SCTR: variants seen among roughly 807,000 people sequenced by gnomAD.
The protein encoded by SCTR is pancreatic secretin receptor.
A neutral mutation model predicts 60.8 loss-of-function variants in SCTR; 56 were observed. The ratio of observed to expected loss-of-function variants is 0.92; its 90% CI spans 0.74 to 1.15. The LOEUF is 1.15. Among genes scored for constraint, SCTR ranks in the 50% most tolerant of loss-of-function variants. The pLI, the probability that SCTR is intolerant of heterozygous loss-of-function variation, is 0.00. For missense variants in SCTR, 562 were observed against 550.4 expected (o/e 1.02, Z -0.21); for synonymous variants, 202 against 217.0 (o/e 0.93, Z 0.61).
intron 9 of SCTR, among the ~76,000 whole-genome samples, 171 bp downstream of exon 9, chr2:119,451,839 C>T (rs1185073223): frequency 6.6e-6 from 1 of 152,226 alleles, no homozygotes; most frequent in Non-Finnish European, 1.5e-5. Context: ...ACACATTCTG[C>T]AGGGGGCAGA....
chr2:119,463,912 C>T (rs1378148856), intron 6 of SCTR, among the ~76,000 whole-genome samples: 2 of 152,162 alleles, frequency 1.3e-5, no homozygotes, highest in African/African-American at 2.4e-5. Flanking sequence ...CCATGAGCTT[C>T]TCTCCTACAT....
At chr2:119,522,213 T>C (rs1371773313) in intron 1 of SCTR, among the ~76,000 whole-genome samples, 1 of 152,080 alleles carries the variant, frequency 6.6e-6, no homozygotes, top group African/African-American at 2.4e-5. Context: ...GGAGAATCCC[T>C]TGAACCTGGG....
chr2:119,524,270 C>A lies in SCTR; in HGVS notation c.-44G>T. 1 of 1,323,626 alleles carries A rather than the reference C, an allele frequency of 7.6e-7. No homozygotes were observed. Among genetic ancestry groups the A allele is most frequent in the Non-Finnish European group, 9.9e-7 (1 of 1,011,674 alleles). The allele number at this position is 1,323,626 out of a possible 1,614,324, so 82.0% of individuals were successfully genotyped here. A position where few individuals can be genotyped will look rare whatever the true frequency, so the allele number is the denominator to read the frequency against. ...GAGGGCGCCCCGACGTCCGCCTGCC[C>A]GTGCCCTCTGCCCGCTCGGGAGCTC... On this transcript the variant is annotated 5_prime_UTR_variant, in exon 1 of 13. Coordinates refer to ENST00000019103, the MANE Select transcript of SCTR (RefSeq NM_002980.3).
chr2:119,459,618 A>T (rs1683519035), intron 7 of SCTR, among the ~76,000 whole-genome samples: 1 of 152,180 alleles, frequency 6.6e-6, no homozygotes, highest in African/African-American at 2.4e-5. Flanking sequence ...GGCCAGGAGG[A>T]AGAGAACCAT....
At chr2:119,516,993 A>G (rs1014945974) in intron 1 of SCTR, among the ~76,000 whole-genome samples, 3 of 151,958 alleles carry the variant, frequency 2.0e-5, no homozygotes, top group African/African-American at 7.3e-5. Context: ...TAATAATAAC[A>G]CTGTATCGTA....
intron 2 of SCTR, among the ~76,000 whole-genome samples, chr2:119,489,557 G>C (rs565884699): frequency 6.6e-6 from 1 of 152,198 alleles, no homozygotes; most frequent in Admixed American, 6.5e-5. Flanking sequence ...GGTGCGAGAC[G>C]AGAGAGAAAC....
At chr2:119,493,844 T>TGG (rs1678239957) in intron 2 of SCTR, among the ~76,000 whole-genome samples, 1 of 152,032 alleles carries the variant, frequency 6.6e-6, no homozygotes, top group Admixed American at 6.6e-5. Flanking sequence ...TTTCACCATA[T>TGG]TGGTCAAGCT....
intron 2 of SCTR, among the ~76,000 whole-genome samples, chr2:119,488,085 G>A (rs1380276780): frequency 1.3e-5 from 2 of 152,244 alleles, no homozygotes; most frequent in African/African-American, 4.8e-5. Flanking sequence ...CCTCAGTGGG[G>A]CAGATCTGAA....
chr2:119,507,921 C>A (rs1320613808), intron 1 of SCTR, among the ~76,000 whole-genome samples: 1 of 152,102 alleles, frequency 6.6e-6, no homozygotes, highest in Non-Finnish European at 1.5e-5. Flanking sequence ...TCGTGATCTG[C>A]CCATCTCGGC....
intron 5 of SCTR, 97 bp from the exon 6 acceptor site, chr2:119,464,352 C>T: frequency 8.2e-7 from 1 of 1,212,362 alleles, no homozygotes; most frequent in South Asian, 1.3e-5. Context: ...AAACTGAGGC[C>T]CTAGACTTCA....
chr2:119,494,001 A>G (rs1573900143), intron 2 of SCTR, among the ~76,000 whole-genome samples: 1 of 152,204 alleles, frequency 6.6e-6, no homozygotes, highest in African/African-American at 2.4e-5. Context: ...GCCTGTGTTC[A>G]CACAGCCGGT....
chr2:119,453,368 G>A, intron 7 of SCTR, 21 bp from the exon 8 acceptor site: 1 of 1,603,080 alleles, frequency 6.2e-7, no homozygotes. Context: ...AAAACAAAGG[G>A]AGGGGCAGAA....
rs1679386071 is a variant in SCTR at position 119,524,346 on chromosome 2, G to C, written c.-120C>G. On this transcript the variant is annotated 5_prime_UTR_variant, in exon 1 of 13. Coordinates refer to ENST00000019103, the MANE Select transcript of SCTR (RefSeq NM_002980.3). ...CCGGCCGGCCGCTGCGCCCCGAGGA[G>C]CCATGGCTGAGCCACCCGACCTGCG... 1.6e-5 allele frequency: 10 copies of C among 616,468 alleles called. No individual in the cohort carries two copies. In the South Asian group the frequency reaches 4.0e-4, roughly 25 times the overall value. 38.2% of individuals were successfully genotyped at this position (616,468 alleles called of 1,614,324 possible). A position where few individuals can be genotyped will look rare whatever the true frequency, so the allele number is the denominator to read the frequency against.
At chr2:119,463,270 GA>G (rs1558847589) in intron 6 of SCTR, among the ~76,000 whole-genome samples, 2 of 152,202 alleles carry the variant, frequency 1.3e-5, no homozygotes. Context: ...TCTAGCCAAT[GA>G]GATGTAGGTA....
At chr2:119,460,729 G>T (rs1265590488) in intron 7 of SCTR, among the ~76,000 whole-genome samples, 1 of 152,190 alleles carries the variant, frequency 6.6e-6, no homozygotes, top group Non-Finnish European at 1.5e-5. Context: ...AAAAGGAAAA[G>T]GGACAGAGAT....
intron 1 of SCTR, among the ~76,000 whole-genome samples, chr2:119,509,453 G>C (rs1321040797): frequency 6.6e-6 from 1 of 152,210 alleles, no homozygotes; most frequent in Non-Finnish European, 1.5e-5. Context: ...CACTGTAAGA[G>C]TTGAAAGTCC....
At position 119,448,938 on chromosome 2, in the gene SCTR, C is replaced by A. The variant is rs1683036563; in HGVS notation, c.922-158G>T. Among the ~76,000 whole-genome samples the A allele has an allele frequency of 2.0e-5, 3 of 152,094 alleles. No homozygotes were observed. In the South Asian group the frequency reaches 6.2e-4, roughly 32 times the overall value. Reference sequence around the variant, plus strand: ...CCGCTCCTCTCCATCCCCTCCCCACCCCCAGTCCTGGTGAAACACTGTCTA... The same window carrying A: ...CCGCTCCTCTCCATCCCCTCCCCACACCCAGTCCTGGTGAAACACTGTCTA... On this transcript the variant is annotated intron_variant, in intron 9 of 12. Coordinates refer to ENST00000019103, the MANE Select transcript of SCTR (RefSeq NM_002980.3).
intron 1 of SCTR, among the ~76,000 whole-genome samples, chr2:119,514,184 T>G (rs1251818563): frequency 6.6e-6 from 1 of 152,222 alleles, no homozygotes; most frequent in Non-Finnish European, 1.5e-5. Flanking sequence ...GGTGTCTGCT[T>G]AGCCCCTGAA....
chr2:119,473,478 A>C lies in SCTR; in HGVS notation c.380T>G (p.Val127Gly), dbSNP rs765414515. 4 of 1,613,646 alleles carry C rather than the reference A, an allele frequency of 2.5e-6. No homozygotes were observed. The highest frequency in any genetic ancestry group is 3.4e-6 in the Non-Finnish European group (4 of 1,179,588). ...CCGCTTCTCGTTGGAAGAGTCGTTC[A>C]CATTAACGCCACAGGCCAGATTAGG... is the stretch of plus-strand genomic sequence containing the variant. ...PRPNLACGVN[V>G]NDSSNEKRHS... The change falls in exon 4 of 13, where the codon GTG (valine) becomes GGG (glycine). Residue 127 changes from valine (V) to glycine (G), a missense_variant. Val to Gly is a moderately radical substitution (Grantham distance 109). Coordinates refer to ENST00000019103, the MANE Select transcript of SCTR (RefSeq NM_002980.3).
Sources: gnomAD v4.1 joint callset for allele counts (sites outside exome capture counted in the v4.1 genomes callset) on GRCh38, gnomAD v4.1.1 for gene constraint, MANE v1.5 for transcripts, NCBI Gene and HGNC (gene_info 2026-07-23, HGNC 2026-07-21) for gene names.